Variants in OMD observed in about 807,000 individuals in gnomAD.
OMD encodes the protein osteomodulin.
A neutral mutation model predicts 31.2 loss-of-function variants in OMD; 19 were observed. The ratio of observed to expected loss-of-function variants is 0.61; its 90% CI spans 0.42 to 0.89. The LOEUF (loss-of-function observed/expected upper bound fraction) is 0.89, where lower values mean the gene tolerates loss of function less well. Ranked by LOEUF, OMD falls within the 40% of genes least tolerant of loss-of-function variation. OMD has a pLI of 0.00. For missense variants in OMD, 448 were observed against 490.8 expected (o/e 0.91, Z 0.82); for synonymous variants, 155 against 166.4 (o/e 0.93, Z 0.53).
chr9:92,417,412 T>C lies in OMD; in HGVS notation c.147A>G (p.Val49=), dbSNP rs777037545. The stretch of plus-strand genomic sequence containing the variant: ...ACTGATGAAAAGGAACTCCGTAGTC[T>C]ACATTTTGACGAAATGGGAATCCTG... The part of the protein sequence containing the change: ...YQTGFPFRQN[V]DYGVPFHQYT... Residue 49 remains valine, a synonymous_variant, in exon 2 of 3, where the codon GTA becomes GTG. Coordinates refer to ENST00000375550, the MANE Select transcript of OMD (RefSeq NM_005014.3). The C allele has an allele frequency of 1.2e-6, 2 of 1,614,102 alleles. No homozygotes were observed. The highest frequency in any genetic ancestry group is 2.2e-5 in the South Asian group (2 of 91,082).
chr9:92,423,619 A>T (rs1843879565), intron 1 of OMD, among the ~76,000 whole-genome samples: 1 of 152,148 alleles, frequency 6.6e-6, no homozygotes, highest in Non-Finnish European at 1.5e-5. Context: ...GCCATAATAC[A>T]TTTAAATCGT....
In OMD at chr9:92,415,067, C is replaced by T; in HGVS notation, c.*85G>A. 1 of 1,031,234 alleles carries T rather than the reference C, an allele frequency of 9.7e-7. No homozygotes were observed. Among genetic ancestry groups the T allele is most frequent in the Non-Finnish European group, 1.4e-6 (1 of 724,010 alleles). 63.9% of individuals were successfully genotyped at this position (1,031,234 alleles called of 1,614,324 possible). ...CTAATACATAATTCTAAATATATTA[C>T]TTTGAGTAATACATGTTTACTTAGA... is the stretch of plus-strand genomic sequence containing the variant. On this transcript the variant is annotated 3_prime_UTR_variant, in exon 3 of 3. Coordinates refer to ENST00000375550, the MANE Select transcript of OMD (RefSeq NM_005014.3).
intron 1 of OMD, among the ~76,000 whole-genome samples, chr9:92,422,495 A>G (rs185320366): frequency 6.6e-6 from 1 of 152,356 alleles, no homozygotes. Context: ...GAATCAAGAC[A>G]TGACTGGGGC....
rs539470188 is a variant in OMD, at chr9:92,424,207, C to T, written c.-22G>A. ...AAATTATTTTATTATCATACCTGTTCAATTTGCTTTAGTTTTCAGGGGTTG... is the reference window on the plus strand; with the variant it reads ...AAATTATTTTATTATCATACCTGTTTAATTTGCTTTAGTTTTCAGGGGTTG... On this transcript the variant is annotated 5_prime_UTR_variant, in exon 1 of 3. Coordinates refer to ENST00000375550, the MANE Select transcript of OMD (RefSeq NM_005014.3). 6.6e-6 allele frequency: 1 copy of T among 152,230 alleles called. No individual in the cohort carries two copies. The highest frequency in any genetic ancestry group is 2.4e-5 in the African/African-American group (1 of 41,542). 9.4% of individuals were successfully genotyped at this position (152,230 alleles called of 1,614,324 possible).
chr9:92,419,697 A>G (rs1216999055), intron 1 of OMD, among the ~76,000 whole-genome samples: 1 of 152,188 alleles, frequency 6.6e-6, no homozygotes, highest in African/African-American at 2.4e-5. Context: ...ACTGCTATCC[A>G]GATGAAATGA....
Position 92,416,630 on chromosome 9 carries a change from T to A in OMD, c.929A>T (p.Asn310Ile). 6.5e-7 allele frequency: 1 copy of A among 1,542,144 alleles called. No homozygotes were observed. Among genetic ancestry groups the A allele is most frequent in the Non-Finnish European group, 8.8e-7 (1 of 1,140,240 alleles). ...AAAAGTCTACATACTTTCTATTTCA[T>A]TATTTTGTAGGTATAGGTGTTCCAA... ...RNLEHLYLQN[N>I]EIEKMNLTVM... The change falls in exon 2 of 3, where the codon AAT becomes ATT. Residue 310 changes from asparagine (N) to isoleucine (I), a missense_variant. By Grantham distance (149) the Asn-to-Ile change is moderately radical. Transcript: ENST00000375550.
intron 1 of OMD, among the ~76,000 whole-genome samples, chr9:92,419,579 G>A (rs915276756): frequency 5.3e-5 from 8 of 152,062 alleles, no homozygotes; most frequent in East Asian, 3.9e-4. Context: ...GATTACGGGC[G>A]TGAGCCACTG....
intron 1 of OMD, among the ~76,000 whole-genome samples, chr9:92,422,876 A>C (rs1247443023): frequency 6.6e-6 from 1 of 152,194 alleles, no homozygotes; most frequent in Non-Finnish European, 1.5e-5. Flanking sequence ...TCTGCTTTTC[A>C]TACTCTACAA....
intron 2 of OMD, among the ~76,000 whole-genome samples, chr9:92,416,052 A>ATG (rs1292606240): frequency 5.0e-4 from 45 of 90,676 alleles, no homozygotes; most frequent in Middle Eastern, 5.6e-3. Flanking sequence ...TATATTATAT[A>ATG]TGTGTGTATA....
chr9:92,420,889 G>A (rs930427163), intron 1 of OMD, among the ~76,000 whole-genome samples: 3 of 151,980 alleles, frequency 2.0e-5, no homozygotes, highest in African/African-American at 7.2e-5. Context: ...TTGAAGGAGT[G>A]TTGAGGTTCT....
At position 92,416,793 on chromosome 9, in the gene OMD, G is replaced by T; in HGVS notation, c.766C>A (p.Leu256Ile). The T allele has an allele frequency of 6.2e-7, 1 of 1,613,862 alleles. No individual in the cohort carries two copies. The highest frequency in any genetic ancestry group is 1.1e-5 in the South Asian group (1 of 91,078). Residue 256 changes from leucine (L) to isoleucine (I), a missense_variant, in exon 2 of 3, where the codon CTT (leucine) becomes ATT (isoleucine). Coordinates refer to ENST00000375550, the MANE Select transcript of OMD (RefSeq NM_005014.3). The stretch of plus-strand genomic sequence containing the variant: ...ATTCTTAGAGTATGAAGTTTTGGAA[G>T]TTTGTCGAAGTATTTTTCGGGTATA... The part of the protein sequence containing the change: ...SSIPEKYFDK[L>I]PKLHTLRMSH...
At chr9:92,415,723 T>A (rs1422989079) in intron 2 of OMD, among the ~76,000 whole-genome samples, 1 of 149,146 alleles carries the variant, frequency 6.7e-6, no homozygotes, top group African/African-American at 2.4e-5. Context: ...AGTAGAACAA[T>A]CTCAAAAAAA....
intron 1 of OMD, 101 bp downstream of exon 1, chr9:92,424,101 A>G (rs904084224): frequency 6.6e-6 from 1 of 152,306 alleles, no homozygotes; most frequent in East Asian, 1.9e-4. Flanking sequence ...TGCTTTTGTA[A>G]TAGATGCAGT....
In OMD at chr9:92,417,374, C is replaced by G; in HGVS notation, c.185G>C (p.Cys62Ser). Residue 62 changes from cysteine (C) to serine (S), a missense_variant, in exon 2 of 3, where the codon TGT (cysteine) becomes TCT (serine). Transcript: ENST00000375550. ...AGTTGGACAGAAGCATTCACTGACACAGCCTAAAGTATACTGATGAAAAGG... is the reference window on the plus strand; with the variant it reads ...AGTTGGACAGAAGCATTCACTGACAGAGCCTAAAGTATACTGATGAAAAGG... ...GVPFHQYTLG[C>S]VSECFCPTNF... is the part of the protein sequence containing the mutation. The G allele has an allele frequency of 6.2e-7, 1 of 1,614,094 alleles. No homozygotes were observed. The highest frequency in any genetic ancestry group is 8.5e-7 in the Non-Finnish European group (1 of 1,179,998).
Position 92,413,215 on chromosome 9 carries a change from G to A in OMD, c.*1937C>T, listed in dbSNP as rs974840947. Among the ~76,000 whole-genome samples the A allele has an allele frequency of 1.3e-5, 2 of 151,930 alleles. No homozygotes were observed. Among genetic ancestry groups the A allele is most frequent in the Admixed American group, 6.6e-5 (1 of 15,236 alleles). ...TTGGTCAGGCTGGTCTCAAACTCCC[G>A]ACCCCAGGTGATCCACCTAACTCGG... is the stretch of plus-strand genomic sequence containing the variant. On this transcript the variant is annotated 3_prime_UTR_variant, in exon 3 of 3. Coordinates refer to ENST00000375550, the MANE Select transcript of OMD (RefSeq NM_005014.3).
In OMD at chr9:92,416,685, A is replaced by G. The variant is rs763657865; in HGVS notation, c.874T>C (p.Leu292=). 11 of 1,611,274 alleles carry G rather than the reference A, an allele frequency of 6.8e-6. No homozygotes were observed. The East Asian group carries it at 2.5e-4, about 36-fold the overall frequency. Residue 292 remains leucine (L), a synonymous_variant, in exon 2 of 3, where the codon TTG becomes CTG. Transcript: ENST00000375550. Reference sequence around the variant, plus strand: ...CTTGGAATATAGAATGCTTGCTTCAATTTGTTGTGTCCAACACTGAGTTCT... The same window carrying G: ...CTTGGAATATAGAATGCTTGCTTCAGTTTGTTGTGTCCAACACTGAGTTCT... ...IVELSVGHNK[L]KQAFYIPRNL...
intron 2 of OMD, 35 bp from the exon 3 acceptor site, chr9:92,415,512 A>G: frequency 7.9e-7 from 1 of 1,270,708 alleles, no homozygotes; most frequent in Non-Finnish European, 1.1e-6. Flanking sequence ...ATCTTGTATT[A>G]TAGTATAATC....
chr9:92,417,081 GAGGAA>G lies in OMD; in HGVS notation c.473_477del (p.Phe158SerfsTer3), dbSNP rs1843637211. On this transcript the variant is annotated frameshift_variant, in exon 2 of 3. Coordinates refer to ENST00000375550, the MANE Select transcript of OMD (RefSeq NM_005014.3). LOFTEE classifies it high-confidence loss of function. Reference sequence around the variant, plus strand: ...AGGAGTCTTTCCAGAGATTTAGGAAGAGGAAATGGAAATTCTTCTAAATTATTATG... The same window carrying G: ...AGGAGTCTTTCCAGAGATTTAGGAAGATGGAAATTCTTCTAAATTATTATG... 6.2e-7 allele frequency: 1 copy of G among 1,613,910 alleles called. No individual in the cohort carries two copies. Among genetic ancestry groups the G allele is most frequent in the Non-Finnish European group, 8.5e-7 (1 of 1,179,906 alleles).
rs1046939494 is a variant in OMD at position 92,412,742 on chromosome 9, G to A, written c.*2410C>T. On this transcript the variant is annotated 3_prime_UTR_variant, in exon 3 of 3. Coordinates refer to ENST00000375550, the MANE Select transcript of OMD (RefSeq NM_005014.3). ...CCACTGTATGGATATATCACATTTT[G>A]TGTATCCATTGATGGACATTTGCGT... Among the ~76,000 whole-genome samples, 4 of 152,100 alleles carry A rather than the reference G, an allele frequency of 2.6e-5. No individual in the cohort carries two copies. The highest frequency in any genetic ancestry group is 1.3e-4 in the Admixed American group (2 of 15,264).
Sources: allele counts gnomAD v4.1 joint callset (sites outside exome capture counted in the v4.1 genomes callset), GRCh38; gene constraint gnomAD v4.1.1; transcripts MANE v1.5; gene names NCBI Gene and HGNC (gene_info 2026-07-23, HGNC 2026-07-21).